ANP32A: variants seen among roughly 807,000 people sequenced by gnomAD.
ANP32A encodes the protein acidic nuclear phosphoprotein 32 family member A, also known as acidic leucine-rich nuclear phosphoprotein 32 family member A.
Under a neutral mutation model 33.9 loss-of-function variants are expected in ANP32A, and 1 was observed. That is an observed-to-expected ratio of 0.03 (90% CI 0.01 to 0.14). The LOEUF (loss-of-function observed/expected upper bound fraction) is 0.14. Ranked by LOEUF, ANP32A falls within the 10% of genes least tolerant of loss-of-function variation. The probability of loss-of-function intolerance (pLI) is 1.00; values close to 1 mark genes in which losing one functional copy is unlikely to be tolerated. For missense variants in ANP32A, 155 were observed against 306.0 expected (o/e 0.51, Z 3.68); for synonymous variants, 115 against 120.5 (o/e 0.95, Z 0.30).
rs1893845482 is a variant in ANP32A at position 68,780,008 on chromosome 15, G to A, written c.*73C>T. 69 of 659,002 alleles carry A rather than the reference G, an allele frequency of 1.0e-4. No individual in the cohort carries two copies. In the South Asian group the frequency reaches 1.1e-3, roughly 11 times the overall value. The allele number at this position is 659,002 out of a possible 1,614,324, so 40.8% of individuals were successfully genotyped here. A position where few individuals can be genotyped will look rare whatever the true frequency, so the allele number is the denominator to read the frequency against. The stretch of plus-strand genomic sequence containing the variant: ...ATAAGTTTCAGGGGGCAGGATTGGA[G>A]GGGGGGGGGAGAGGGGATATGGGTA... On this transcript the variant is annotated 3_prime_UTR_variant, in exon 7 of 7. Coordinates refer to ENST00000465139, the MANE Select transcript of ANP32A (RefSeq NM_006305.4). The surrounding 1 kb of genome is among the most constrained non-coding windows in gnomAD (Gnocchi z 4.3).
At chr15:68,788,784 T>A (rs980969415) in intron 1 of ANP32A, among the ~76,000 whole-genome samples, 1 of 152,176 alleles carries the variant, frequency 6.6e-6, no homozygotes, top group Non-Finnish European at 1.5e-5. Context: ...CTGAGATCTG[T>A]CTCAAAGTCT....
At chr15:68,805,202 T>TG (rs1327477736) in intron 1 of ANP32A, among the ~76,000 whole-genome samples, 1 of 152,138 alleles carries the variant, frequency 6.6e-6, no homozygotes, top group East Asian at 1.9e-4. Context: ...AAAGTACAAA[T>TG]GGGGGTCCTC....
chr15:68,784,623 T>C, intron 3 of ANP32A, 28 bp from the exon 4 acceptor site: 9 of 1,612,360 alleles, frequency 5.6e-6, no homozygotes, highest in Non-Finnish European at 7.6e-6. Context: ...AAGCCAACAG[T>C]AAGTGATTTG....
chr15:68,817,082 C>G (rs1826465236), intron 1 of ANP32A, among the ~76,000 whole-genome samples: 1 of 152,224 alleles, frequency 6.6e-6, no homozygotes, highest in African/African-American at 2.4e-5. Flanking sequence ...TACCAGAGTT[C>G]AGCTCGTGAG....
intron 1 of ANP32A, among the ~76,000 whole-genome samples, chr15:68,802,657 T>A (rs1159965040): frequency 3.3e-5 from 5 of 152,170 alleles, no homozygotes; most frequent in Admixed American, 3.3e-4. Flanking sequence ...CCTATTATCT[T>A]ATTTATTTAT....
At chr15:68,784,181 A>C in intron 4 of ANP32A, 1 of 598,968 alleles carries the variant, frequency 1.7e-6, no homozygotes, top group South Asian at 2.0e-5. Flanking sequence ...TAGGGAAGTC[A>C]ACCAATGAGA....
intron 1 of ANP32A, chr15:68,791,390 G>T (rs1182310776): frequency 6.6e-6 from 1 of 152,222 alleles, no homozygotes; most frequent in Non-Finnish European, 1.5e-5. Context: ...TGACTCTTAC[G>T]ACGGGTAAGG....
chr15:68,804,884 C>G (rs1256102409), intron 1 of ANP32A, among the ~76,000 whole-genome samples: 1 of 152,246 alleles, frequency 6.6e-6, no homozygotes, highest in Non-Finnish European at 1.5e-5. Flanking sequence ...TACTGGGAAA[C>G]TATTTTCCTA....
chr15:68,784,785 C>T (rs1423436653), intron 3 of ANP32A, among the ~76,000 whole-genome samples, 190 bp from the exon 4 acceptor site: 3 of 152,152 alleles, frequency 2.0e-5, no homozygotes, highest in African/African-American at 7.2e-5. Flanking sequence ...AGTTTGTGGG[C>T]CTCGGCGTCT....
At chr15:68,797,144 C>T (rs1400451718) in intron 1 of ANP32A, among the ~76,000 whole-genome samples, 1 of 152,020 alleles carries the variant, frequency 6.6e-6, no homozygotes, top group Non-Finnish European at 1.5e-5. Context: ...TTTTAAAAAC[C>T]ACACATCAGG....
At chr15:68,798,710 AGCTCAGCCCCT>A (rs1256943112) in intron 1 of ANP32A, among the ~76,000 whole-genome samples, 1 of 152,336 alleles carries the variant, frequency 6.6e-6, no homozygotes, top group East Asian at 1.9e-4. Context: ...CCCAGACCTG[AGCTCAGCCCCT>A]GCTCTCCCCA....
Position 68,780,720 on chromosome 15 carries a change from G to A in ANP32A, c.625-247C>T. The A allele has an allele frequency of 3.8e-6, 2 of 522,992 alleles. No homozygotes were observed. The highest frequency in any genetic ancestry group is 6.2e-6 in the Non-Finnish European group (2 of 320,600). 32.4% of individuals were successfully genotyped at this position (522,992 alleles called of 1,614,324 possible). On this transcript the variant is annotated intron_variant, in intron 5 of 6. Transcript: ENST00000465139. The surrounding 1 kb of genome is among the most constrained non-coding windows in gnomAD (Gnocchi z 4.3). ...AATGTCCGTATCATTTATAATATTT[G>A]CAAGCAGTTTCAGGGGGTTATGGAT...
chr15:68,782,973 C>A lies in ANP32A; in HGVS notation c.607G>T (p.Val203Leu), dbSNP rs753775506. 5 of 1,551,976 alleles carry A rather than the reference C, an allele frequency of 3.2e-6. No homozygotes were observed. In the East Asian group the frequency reaches 1.2e-4, roughly 38 times the overall value. ...DEEEEGEEED[V>L]SGEEEEDEEG... The stretch of plus-strand genomic sequence containing the variant: ...CTCCTTACCTCCTCCTCTCCACTCA[C>A]GTCCTCCTCTTCACCTTCCTCCTCC... The change falls in exon 5 of 7, where the codon GTG becomes TTG. Residue 203 changes from valine to leucine, a missense_variant. By Grantham distance (32) the Val-to-Leu change is conservative (BLOSUM62 1). Coordinates refer to ENST00000465139, the MANE Select transcript of ANP32A (RefSeq NM_006305.4).
rs551002440 is a variant in ANP32A at position 68,784,936 on chromosome 15, G to A, written c.328-341C>T. On this transcript the variant is annotated intron_variant, in intron 3 of 6. Coordinates refer to ENST00000465139, the MANE Select transcript of ANP32A (RefSeq NM_006305.4). The stretch of plus-strand genomic sequence containing the variant: ...GGGGCTTTCTTGGTGCATGAGCCAA[G>A]AGGTTTACTGCCTCTCCCTGAGACT... Among the ~76,000 whole-genome samples the A allele has an allele frequency of 7.9e-5, 12 of 152,312 alleles. No homozygotes were observed. In the South Asian group the frequency reaches 1.9e-3, roughly 24 times the overall value.
chr15:68,797,046 G>A (rs966702115), intron 1 of ANP32A, among the ~76,000 whole-genome samples: 1 of 152,096 alleles, frequency 6.6e-6, no homozygotes, highest in African/African-American at 2.4e-5. Flanking sequence ...AGTGAAATGG[G>A]AAACTCAATC....
rs1893858334 is a variant in ANP32A, at chr15:68,780,846, C to T, written c.625-373G>A. ...GGAGAACAAGTTCCCGAGCAGACTCCCTGACGTGCAAAGTAGGCCATCCTT... is the reference window on the plus strand; with the variant it reads ...GGAGAACAAGTTCCCGAGCAGACTCTCTGACGTGCAAAGTAGGCCATCCTT... On this transcript the variant is annotated intron_variant, in intron 5 of 6. Coordinates refer to ENST00000465139, the MANE Select transcript of ANP32A (RefSeq NM_006305.4). This position sits in a 1 kb window ranked among gnomAD's most constrained non-coding sequence, Gnocchi z 4.3. 1 of 178,788 alleles carries T rather than the reference C, an allele frequency of 5.6e-6. No individual in the cohort carries two copies. Among genetic ancestry groups the T allele is most frequent in the African/African-American group, 2.4e-5 (1 of 42,160 alleles). 11.1% of individuals were successfully genotyped at this position (178,788 alleles called of 1,614,324 possible).
Position 68,787,762 on chromosome 15 carries a change from C to G in ANP32A, c.204+8G>C. On this transcript the variant is annotated splice_region_variant and intron_variant, in intron 2 of 6. Coordinates refer to ENST00000465139, the MANE Select transcript of ANP32A (RefSeq NM_006305.4). ...CCTCCCAGCACACACAGACTCCACT[C>G]TATTTACCTTCTTAAGTTTGTTTAA... 6.2e-7 allele frequency: 1 copy of G among 1,611,840 alleles called. No individual in the cohort carries two copies. The highest frequency in any genetic ancestry group is 8.5e-7 in the Non-Finnish European group (1 of 1,177,980).
rs757866606 is a variant in ANP32A, at chr15:68,784,554, G to A, written c.369C>T (p.Cys123=). Residue 123 remains cysteine (C), a synonymous_variant, in exon 4 of 7, where the codon TGC becomes TGT. Transcript: ENST00000465139. ...ENLKSLDLFN[C]EVTNLNDYRE... Reference sequence around the variant, plus strand: ...GGTAGTCGTTCAGGTTGGTTACCTCGCAATTGAAAAGGTCTAAGCTCTTGA... The same window carrying A: ...GGTAGTCGTTCAGGTTGGTTACCTCACAATTGAAAAGGTCTAAGCTCTTGA... 22 of 1,614,164 alleles carry A rather than the reference G, an allele frequency of 1.4e-5. No homozygotes were observed. Among genetic ancestry groups the A allele is most frequent in the South Asian group, 5.5e-5 (5 of 91,078 alleles).
intron 1 of ANP32A, chr15:68,790,195 A>G (rs1567035235): frequency 6.6e-6 from 1 of 152,238 alleles, no homozygotes; most frequent in African/African-American, 2.4e-5. Context: ...CAAATATGAG[A>G]AGAGATTCCA....
Sources: allele counts gnomAD v4.1 joint callset (sites outside exome capture counted in the v4.1 genomes callset), GRCh38; gene constraint gnomAD v4.1.1; non-coding constraint Gnocchi (gnomAD v3.1); transcripts MANE v1.5; gene names NCBI Gene and HGNC (gene_info 2026-07-23, HGNC 2026-07-21).